Variants in FSD1L observed in about 807,000 individuals in gnomAD.
The protein encoded by FSD1L is fibronectin type III and SPRY domain containing 1 like, also known as FSD1-like protein.
Under a neutral mutation model 71.6 loss-of-function variants are expected in FSD1L, and 45 were observed. The ratio of observed to expected loss-of-function variants is 0.63; its 90% confidence interval spans 0.49 to 0.81. The LOEUF (loss-of-function observed/expected upper bound fraction) is 0.81, where lower values mean the gene tolerates loss of function less well. Among genes scored for constraint, FSD1L ranks in the 30% least tolerant of loss-of-function variants. The probability of loss-of-function intolerance (pLI) is 0.00; values close to 1 mark genes in which losing one functional copy is unlikely to be tolerated. For missense variants in FSD1L, 561 were observed against 618.1 expected (o/e 0.91, Z 0.98); for synonymous variants, 197 against 207.2 (o/e 0.95, Z 0.42).
intron 13 of FSD1L, among the ~76,000 whole-genome samples, chr9:105,542,343 C>T (rs990585580): frequency 2.6e-5 from 4 of 152,136 alleles, no homozygotes; most frequent in Non-Finnish European, 5.9e-5. Context: ...TTTGTAGTTT[C>T]CTAATGACAA....
intron 1 of FSD1L, among the ~76,000 whole-genome samples, chr9:105,457,872 C>T (rs1830452820): frequency 1.3e-5 from 2 of 152,230 alleles, no homozygotes; most frequent in South Asian, 4.1e-4. Flanking sequence ...CAGTCACTGG[C>T]TCCATGCGAG....
At chr9:105,452,240 A>T (rs893322848) in intron 1 of FSD1L, among the ~76,000 whole-genome samples, 8 of 152,194 alleles carry the variant, frequency 5.3e-5, no homozygotes, top group Non-Finnish European at 1.0e-4. Context: ...CCACATCCAT[A>T]ACCAACCAAC....
At chr9:105,479,790 GC>G (rs1367927704) in intron 6 of FSD1L, among the ~76,000 whole-genome samples, 1 of 152,154 alleles carries the variant, frequency 6.6e-6, no homozygotes, top group Non-Finnish European at 1.5e-5. Flanking sequence ...AAGAACTAAA[GC>G]GCTCCTATTT....
In FSD1L at chr9:105,449,146, A is replaced by G. The variant is rs201801451; in HGVS notation, c.15+911A>G. On this transcript the variant is annotated intron_variant, in intron 1 of 13. Transcript: ENST00000481272. The stretch of plus-strand genomic sequence containing the variant: ...CATATCTAAGAGACTATTCTTTTCT[A>G]TTATTAGAAAGCACGGGAAAGACTT... Among the ~76,000 whole-genome samples the G allele has an allele frequency of 1.1e-4, 16 of 151,912 alleles. No homozygotes were observed. The East Asian group carries it at 3.1e-3, about 29-fold the overall frequency.
At chr9:105,459,818 G>A (rs927835563) in intron 1 of FSD1L, among the ~76,000 whole-genome samples, 1 of 152,230 alleles carries the variant, frequency 6.6e-6, no homozygotes. Flanking sequence ...TAGCATCTCA[G>A]TGGTGTATTG....
At chr9:105,529,593 A>G (rs1835761810) in intron 10 of FSD1L, among the ~76,000 whole-genome samples, 1 of 151,928 alleles carries the variant, frequency 6.6e-6, no homozygotes, top group Admixed American at 6.6e-5. Context: ...GGACACAGAG[A>G]GGGGAACATC....
At chr9:105,519,536 C>G (rs983142613) in intron 10 of FSD1L, among the ~76,000 whole-genome samples, 2 of 152,146 alleles carry the variant, frequency 1.3e-5, no homozygotes, top group Non-Finnish European at 2.9e-5. Flanking sequence ...ATAAACAGAT[C>G]CAATGACAAA....
intron 1 of FSD1L, among the ~76,000 whole-genome samples, chr9:105,457,755 G>C (rs1458618909): frequency 6.6e-6 from 1 of 152,216 alleles, no homozygotes; most frequent in Non-Finnish European, 1.5e-5. Flanking sequence ...GCCAGGCATG[G>C]AGCAGTGAGG....
chr9:105,529,649 T>C (rs1004427452), intron 10 of FSD1L, among the ~76,000 whole-genome samples: 1 of 151,988 alleles, frequency 6.6e-6, no homozygotes, highest in Admixed American at 6.6e-5. Context: ...GGAATAGCAT[T>C]AGGAGAAATT....
chr9:105,509,065 G>T (rs749802020), intron 9 of FSD1L, among the ~76,000 whole-genome samples: 18 of 152,198 alleles, frequency 1.2e-4, no homozygotes, highest in Non-Finnish European at 2.6e-4. Flanking sequence ...TATTGGGGAA[G>T]TATCTGTTTA....
At chr9:105,454,070 G>T (rs1376892794) in intron 1 of FSD1L, among the ~76,000 whole-genome samples, 1 of 151,918 alleles carries the variant, frequency 6.6e-6, no homozygotes, top group African/African-American at 2.4e-5. Context: ...GGTAATACAA[G>T]TTTATTGTAG....
intron 6 of FSD1L, among the ~76,000 whole-genome samples, chr9:105,481,220 A>G (rs538792299): frequency 3.7e-5 from 4 of 107,178 alleles, no homozygotes; most frequent in South Asian, 6.0e-4. Context: ...TTCAAACCCT[A>G]TAGCATTTTT....
intron 7 of FSD1L, among the ~76,000 whole-genome samples, chr9:105,485,442 C>T (rs141115969): frequency 3.6e-4 from 55 of 151,822 alleles, no homozygotes; most frequent in African/African-American, 1.3e-3. Context: ...AAAGGCACCA[C>T]TTCCCAACAC....
chr9:105,489,004 A>G lies in FSD1L; in HGVS notation c.586+4502A>G, dbSNP rs544053368. 6.6e-5 allele frequency among the ~76,000 whole-genome samples: 10 copies of G among 152,228 alleles called. No individual in the cohort carries two copies. The South Asian group carries it at 1.7e-3, about 25-fold the overall frequency. On this transcript the variant is annotated intron_variant, in intron 7 of 13. Coordinates refer to ENST00000481272, the MANE Select transcript of FSD1L (RefSeq NM_001145313.3). ...CAGCCAGAGAAATTTACAATTCCAC[A>G]TGTACAATTTTTTTAAGTTATAATT... is the stretch of plus-strand genomic sequence containing the variant.
At chr9:105,528,950 A>G (rs1835704547) in intron 10 of FSD1L, among the ~76,000 whole-genome samples, 2 of 152,214 alleles carry the variant, frequency 1.3e-5, no homozygotes, top group South Asian at 2.1e-4. Flanking sequence ...AAACAACCCC[A>G]TCGAAAAGTG....
At chr9:105,526,040 T>G in intron 10 of FSD1L, 1 of 1,506,520 alleles carries the variant, frequency 6.6e-7, no homozygotes, top group Non-Finnish European at 9.2e-7. Context: ...GATGTCCTTA[T>G]TGTAATATAT....
chr9:105,471,949 C>T lies in FSD1L; in HGVS notation c.385C>T (p.Leu129=). 7.1e-7 allele frequency: 1 copy of T among 1,400,788 alleles called. No individual in the cohort carries two copies. Among genetic ancestry groups the T allele is most frequent in the Non-Finnish European group, 9.3e-7 (1 of 1,075,908 alleles). 86.8% of individuals were successfully genotyped at this position (1,400,788 alleles called of 1,614,324 possible). A position where few individuals can be genotyped will look rare whatever the true frequency, so the allele number is the denominator to read the frequency against. Reference sequence around the variant, plus strand: ...TAATGCCCTGGAGAACTCTGAAGAACTATTAGAATTTGCAACAAGGTCATT... The same window carrying T: ...TAATGCCCTGGAGAACTCTGAAGAATTATTAGAATTTGCAACAAGGTCATT... ...CNNALENSEE[L]LEFATRSLDI... The change falls in exon 5 of 14, where the codon CTA becomes TTA. Residue 129 remains leucine (L), a synonymous_variant. Transcript: ENST00000481272.
At chr9:105,480,942 C>G (rs781311698) in intron 6 of FSD1L, among the ~76,000 whole-genome samples, 1 of 152,140 alleles carries the variant, frequency 6.6e-6, no homozygotes, top group Non-Finnish European at 1.5e-5. Context: ...CTATATGGCT[C>G]TTTGCATCAC....
intron 10 of FSD1L, chr9:105,520,372 A>G: frequency 1.7e-6 from 2 of 1,199,146 alleles, no homozygotes; most frequent in Non-Finnish European, 2.4e-6. Context: ...AGAATGCAGA[A>G]TCTATTGATC....
Sources: gnomAD v4.1 joint callset for allele counts (sites outside exome capture counted in the v4.1 genomes callset) on GRCh38, gnomAD v4.1.1 for gene constraint, MANE v1.5 for transcripts, NCBI Gene and HGNC (gene_info 2026-07-23, HGNC 2026-07-21) for gene names.